DHX30: variants seen among roughly 807,000 people sequenced by gnomAD.
DHX30 encodes the protein DExH-box helicase 30.
A neutral mutation model predicts 116.9 loss-of-function variants in DHX30; 4 were observed. That is an observed-to-expected ratio of 0.03 (90% CI 0.02 to 0.08). The LOEUF is 0.08. DHX30 is among the 10% of genes least tolerant of loss of function. The pLI, the probability that DHX30 is intolerant of heterozygous loss-of-function variation, is 1.00. For synonymous variants in DHX30, 697 were observed against 651.7 expected (o/e 1.07, Z -1.06); for missense variants, 871 against 1,595.1 (o/e 0.55, Z 7.73).
At chr3:47,841,961 AC>A in intron 8 of DHX30, 1 of 586,156 alleles carries the variant, frequency 1.7e-6, no homozygotes, top group Admixed American at 3.0e-5. Context: ...AGAGCAGAAG[AC>A]CCATACCTCT....
chr3:47,836,287 G>A (rs776659565), intron 6 of DHX30, among the ~76,000 whole-genome samples: 19 of 151,680 alleles, frequency 1.3e-4, no homozygotes, highest in Non-Finnish European at 1.6e-4. Context: ...CTGCCACCAC[G>A]CCTGGCCAAT....
intron 3 of DHX30, among the ~76,000 whole-genome samples, chr3:47,817,315 A>G (rs2036101265): frequency 6.6e-6 from 1 of 152,144 alleles, no homozygotes; most frequent in Non-Finnish European, 1.5e-5. Flanking sequence ...TTACCCATGT[A>G]TTTCCACCTT....
chr3:47,829,305 TATATATATA>T (rs1330677922), intron 6 of DHX30, among the ~76,000 whole-genome samples, 171 bp downstream of exon 6: 22 of 41,098 alleles, frequency 5.4e-4, no homozygotes, highest in Admixed American at 2.7e-3. Context: ...TATATATATA[TATATATATA>T]TTTTTTTTTT....
intron 4 of DHX30, among the ~76,000 whole-genome samples, chr3:47,822,846 C>T (rs962409035): frequency 6.6e-6 from 1 of 151,980 alleles, no homozygotes; most frequent in Non-Finnish European, 1.5e-5. Context: ...GTAATCCCAG[C>T]ACTTTGAGAG....
At chr3:47,811,948 C>T (rs1414740843) in intron 3 of DHX30, among the ~76,000 whole-genome samples, 2 of 151,630 alleles carry the variant, frequency 1.3e-5, no homozygotes, top group Non-Finnish European at 2.9e-5. Context: ...CCTATAGTCC[C>T]AGCTACTTGG....
Position 47,845,963 on chromosome 3 carries a change from C to A in DHX30, c.1092+111C>A. The stretch of plus-strand genomic sequence containing the variant: ...CAGTAGTACCTCCCCATTCTCTTCA[C>A]TGAGTTTGGGGCCTGGGATCCCCCT... On this transcript the variant is annotated intron_variant, in intron 10 of 21. Transcript: ENST00000445061. 2.0e-6 allele frequency: 3 copies of A among 1,489,120 alleles called. No homozygotes were observed. In the East Asian group the frequency reaches 6.8e-5, roughly 34 times the overall value. The allele number at this position is 1,489,120 out of a possible 1,614,324, so 92.2% of individuals were successfully genotyped here.
At position 47,848,128 on chromosome 3, in the gene DHX30, G is replaced by A; in HGVS notation, c.2287-52G>A. 1.9e-6 allele frequency: 3 copies of A among 1,606,580 alleles called. No homozygotes were observed. Among genetic ancestry groups the A allele is most frequent in the Non-Finnish European group, 2.6e-6 (3 of 1,174,518 alleles). ...TGGTGAGGGTTACTCAGGGAGTGGG[G>A]AAGCACTGAGGAAGTGGCATTTGTG... On this transcript the variant is annotated intron_variant, in intron 14 of 21. Coordinates refer to ENST00000445061, the MANE Select transcript of DHX30 (RefSeq NM_138615.3). This position sits in a 1 kb window ranked among gnomAD's most constrained non-coding sequence, Gnocchi z 9.4.
chr3:47,844,008 G>A (rs906564259), intron 9 of DHX30, among the ~76,000 whole-genome samples: 3 of 152,228 alleles, frequency 2.0e-5, no homozygotes, highest in Non-Finnish European at 1.5e-5. Flanking sequence ...GGCCATGGCC[G>A]TTCTCTTGAA....
intron 3 of DHX30, among the ~76,000 whole-genome samples, chr3:47,811,041 C>G (rs1370382171): frequency 2.6e-5 from 4 of 152,094 alleles, no homozygotes; most frequent in African/African-American, 7.2e-5. Context: ...TCTCCTCCTC[C>G]TGGGTTGAAG....
intron 6 of DHX30, among the ~76,000 whole-genome samples, chr3:47,835,886 G>T (rs932076546): frequency 1.2e-4 from 18 of 152,224 alleles, no homozygotes; most frequent in Admixed American, 2.6e-4. Flanking sequence ...AGTGCTGAGA[G>T]TGGCCAGGGG....
At chr3:47,817,664 T>C (rs1343347648) in intron 3 of DHX30, among the ~76,000 whole-genome samples, 1 of 152,166 alleles carries the variant, frequency 6.6e-6, no homozygotes. Flanking sequence ...CGTGGTGCTT[T>C]TGAGTTGATG....
At chr3:47,806,656 G>A (rs1029299819) in intron 2 of DHX30, among the ~76,000 whole-genome samples, 5 of 150,610 alleles carry the variant, frequency 3.3e-5, no homozygotes, top group African/African-American at 7.3e-5. Flanking sequence ...CATGTTGGCC[G>A]TGCTGGTCTC....
Position 47,805,427 on chromosome 3 carries a change from T to G in DHX30, c.-28+7T>G, listed in dbSNP as rs976586124. 1 of 399,070 alleles carries G rather than the reference T, an allele frequency of 2.5e-6. No individual in the cohort carries two copies. 24.7% of individuals were successfully genotyped at this position (399,070 alleles called of 1,614,324 possible). The stretch of plus-strand genomic sequence containing the variant: ...CTGTCATTGCTTTTATAAGGTAAGT[T>G]GATTTAGCCGTGCACAGAGCAGTGG... On this transcript the variant is annotated splice_region_variant and intron_variant, in intron 2 of 21. Coordinates refer to ENST00000445061, the MANE Select transcript of DHX30 (RefSeq NM_138615.3).
intron 6 of DHX30, among the ~76,000 whole-genome samples, chr3:47,836,234 A>G (rs1383702333): frequency 6.6e-6 from 1 of 151,530 alleles, no homozygotes; most frequent in African/African-American, 2.4e-5. Flanking sequence ...GATTTAAGTG[A>G]TTCTCCTGCC....
At chr3:47,849,377 C>A (rs2037878566) in intron 19 of DHX30, 28 bp downstream of exon 19, 1 of 1,596,270 alleles carries the variant, frequency 6.3e-7, no homozygotes, top group Admixed American at 1.7e-5. Flanking sequence ...GAATGGAGTT[C>A]ACCAGGTCCC....
chr3:47,803,529 C>T (rs1020665187), intron 1 of DHX30, among the ~76,000 whole-genome samples: 4 of 126,648 alleles, frequency 3.2e-5, no homozygotes, highest in South Asian at 4.8e-4. Flanking sequence ...GCTTCATTGG[C>T]GCAACGACGC....
chr3:47,832,090 T>A (rs76164047), intron 6 of DHX30, among the ~76,000 whole-genome samples: 1 of 151,426 alleles, frequency 6.6e-6, no homozygotes, highest in Non-Finnish European at 1.5e-5. Context: ...TTTTTTTTTT[T>A]AATAGAGACA....
At chr3:47,836,167 G>T (rs1211294937) in intron 6 of DHX30, among the ~76,000 whole-genome samples, 1 of 152,194 alleles carries the variant, frequency 6.6e-6, no homozygotes, top group African/African-American at 2.4e-5. Context: ...GCCCAGGCTA[G>T]AGTGCAATGG....
At chr3:47,812,683 C>T (rs1178876177) in intron 3 of DHX30, among the ~76,000 whole-genome samples, 4 of 142,292 alleles carry the variant, frequency 2.8e-5, no homozygotes, top group Admixed American at 7.1e-5. Flanking sequence ...TTTTTTGAGA[C>T]GGAGTCTCAC....
Sources: allele counts gnomAD v4.1 joint callset (sites outside exome capture counted in the v4.1 genomes callset), GRCh38; gene constraint gnomAD v4.1.1; non-coding constraint Gnocchi (gnomAD v3.1); transcripts MANE v1.5; gene names NCBI Gene and HGNC (gene_info 2026-07-23, HGNC 2026-07-21).